The following LRBA variants were observed in gnomAD, a reference collection of about 807,000 sequenced individuals.
LRBA encodes LPS responsive beige-like anchor protein, also known as lipopolysaccharide-responsive and beige-like anchor protein.
Under a neutral mutation model 330.0 loss-of-function variants are expected in LRBA, and 176 were observed. The ratio of observed to expected loss-of-function variants is 0.53; its 90% confidence interval spans 0.47 to 0.60. LRBA has a LOEUF of 0.60. LRBA is among the 20% of genes least tolerant of loss of function. The pLI is 0.00. For synonymous variants in LRBA, 1,230 were observed against 1,193.0 expected (o/e 1.03, Z -0.64); for missense variants, 3,259 against 3,444.8 (o/e 0.95, Z 1.35).
At chr4:150,483,061 A>G (rs1757471814) in intron 42 of LRBA, among the ~76,000 whole-genome samples, 2 of 152,026 alleles carry the variant, frequency 1.3e-5, no homozygotes, top group East Asian at 3.8e-4. Context: ...TACCTAATTC[A>G]AGGTCACAAA....
intron 56 of LRBA, among the ~76,000 whole-genome samples, chr4:150,269,647 T>C (rs1745810514): frequency 6.6e-6 from 1 of 152,150 alleles, no homozygotes; most frequent in Non-Finnish European, 1.5e-5. Flanking sequence ...TAGGACTTCA[T>C]AAAATGTAAA....
intron 38 of LRBA, among the ~76,000 whole-genome samples, chr4:150,594,853 A>G (rs186272468): frequency 1.3e-5 from 2 of 152,096 alleles, no homozygotes; most frequent in African/African-American, 4.8e-5. Flanking sequence ...TATCCACCAC[A>G]AAACAGGTAA....
At chr4:150,682,722 A>C (rs1044764777) in intron 37 of LRBA, among the ~76,000 whole-genome samples, 4 of 151,670 alleles carry the variant, frequency 2.6e-5, no homozygotes, top group African/African-American at 9.7e-5. Context: ...TTACACTCTT[A>C]TATAATATAC....
intron 2 of LRBA, among the ~76,000 whole-genome samples, chr4:151,003,386 G>C (rs1743621334): frequency 1.1e-5 from 1 of 95,092 alleles, no homozygotes; most frequent in African/African-American, 4.0e-5. Context: ...GAAAGCATGA[G>C]ATTCGGTTTC....
At chr4:150,499,036 A>G (rs920012012) in intron 40 of LRBA, among the ~76,000 whole-genome samples, 5 of 152,186 alleles carry the variant, frequency 3.3e-5, no homozygotes, top group African/African-American at 4.8e-5. Context: ...ACATTCATTT[A>G]TGATCTTAAA....
chr4:150,442,926 G>A (rs7666634), intron 44 of LRBA, among the ~76,000 whole-genome samples: 131,231 of 152,142 alleles, frequency 0.86, 57,648 homozygotes, highest in Non-Finnish European at 0.96. Flanking sequence ...AGACTCCAGG[G>A]AAAAACTATG....
intron 40 of LRBA, among the ~76,000 whole-genome samples, chr4:150,544,078 C>T (rs898947589): frequency 6.6e-6 from 1 of 152,024 alleles, no homozygotes; most frequent in African/African-American, 2.4e-5. Flanking sequence ...AGCTTTGCCT[C>T]CTACAATCTG....
intron 2 of LRBA, among the ~76,000 whole-genome samples, chr4:150,985,331 C>T (rs890450700): frequency 6.6e-6 from 1 of 151,116 alleles, no homozygotes; most frequent in Admixed American, 6.6e-5. Flanking sequence ...AAAATAAGAC[C>T]TATGAGAAAA....
Position 150,321,401 on chromosome 4 carries a change from C to A in LRBA, c.7453-33G>T. The A allele has an allele frequency of 6.6e-7, 1 of 1,515,470 alleles. No individual in the cohort carries two copies. Among genetic ancestry groups the A allele is most frequent in the South Asian group, 1.3e-5 (1 of 75,596 alleles). The allele number at this position is 1,515,470 out of a possible 1,614,324, so 93.9% of individuals were successfully genotyped here. On this transcript the variant is annotated intron_variant, in intron 49 of 56. Transcript: ENST00000651943. The surrounding 1 kb of genome is among the most constrained non-coding windows in gnomAD (Gnocchi z 4.5). The stretch of plus-strand genomic sequence containing the variant: ...AGGAGATACTGTTGAGTGGGCATGA[C>A]AAGACCCAAATAGACAAGAAGGAAA...
In LRBA at chr4:150,321,367, C is replaced by T; in HGVS notation, c.7454G>A (p.Ser2485Asn). Residue 2485 changes from serine to asparagine, a missense_variant and splice_region_variant, in exon 50 of 57, where the codon AGT (serine) becomes AAT (asparagine). Transcript: ENST00000651943. This position sits in a 1 kb window ranked among gnomAD's most constrained non-coding sequence, Gnocchi z 4.5. ...HPPRGSAMQV[S>N]PLMFTDKAQQ... is the part of the protein sequence containing the mutation. ...GGCTTTGTCTGTGAACATCAATGGACTCTGCAGGAGGAGATACTGTTGAGT... is the reference window on the plus strand; with the variant it reads ...GGCTTTGTCTGTGAACATCAATGGATTCTGCAGGAGGAGATACTGTTGAGT... The T allele has an allele frequency of 6.3e-7, 1 of 1,592,898 alleles. No homozygotes were observed. Among genetic ancestry groups the T allele is most frequent in the Non-Finnish European group, 8.5e-7 (1 of 1,173,278 alleles).
chr4:150,755,877 G>GAA (rs779015665), intron 35 of LRBA, among the ~76,000 whole-genome samples: 1 of 138,290 alleles, frequency 7.2e-6, no homozygotes. Flanking sequence ...ATCTCTACAA[G>GAA]AAAAAAAAAA....
At chr4:150,338,219 A>G (rs1315491129) in intron 48 of LRBA, among the ~76,000 whole-genome samples, 1 of 152,202 alleles carries the variant, frequency 6.6e-6, no homozygotes, top group Non-Finnish European at 1.5e-5. Flanking sequence ...ACTTGTATAC[A>G]GTAATTCTTT....
intron 47 of LRBA, among the ~76,000 whole-genome samples, chr4:150,410,923 T>C (rs1196915759): frequency 6.6e-6 from 1 of 152,166 alleles, no homozygotes; most frequent in African/African-American, 2.4e-5. Flanking sequence ...GGTCCAAACA[T>C]TGACATTATA....
chr4:150,576,930 T>A (rs148770165), intron 40 of LRBA, among the ~76,000 whole-genome samples: 10 of 151,642 alleles, frequency 6.6e-5, no homozygotes, highest in Middle Eastern at 3.4e-3. Context: ...TCAAAGAGAG[T>A]AAAAAAAAAT....
At chr4:150,668,895 T>C (rs1341495277) in intron 37 of LRBA, among the ~76,000 whole-genome samples, 1 of 151,634 alleles carries the variant, frequency 6.6e-6, no homozygotes, top group Non-Finnish European at 1.5e-5. Flanking sequence ...TAAGTGGCTG[T>C]GTATTAGAGG....
chr4:150,750,692 C>T (rs1465327263), intron 35 of LRBA, among the ~76,000 whole-genome samples: 1 of 151,982 alleles, frequency 6.6e-6, no homozygotes, highest in Non-Finnish European at 1.5e-5. Context: ...CTTAGTCTCC[C>T]AAAGTGCTGG....
At chr4:150,931,472 G>A (rs1734495018) in intron 2 of LRBA, among the ~76,000 whole-genome samples, 1 of 151,292 alleles carries the variant, frequency 6.6e-6, no homozygotes, top group Non-Finnish European at 1.5e-5. Flanking sequence ...TTCATCAAAA[G>A]GTTAGTGGCT....
At chr4:150,821,700 C>A (rs529823745) in intron 30 of LRBA, among the ~76,000 whole-genome samples, 93 of 152,264 alleles carry the variant, frequency 6.1e-4, no homozygotes, top group African/African-American at 1.9e-3. Context: ...TTCAGCCTAC[C>A]ACTTCAGTCC....
chr4:150,936,726 T>C (rs1015095832), intron 2 of LRBA, among the ~76,000 whole-genome samples: 9 of 152,018 alleles, frequency 5.9e-5, no homozygotes, highest in Non-Finnish European at 1.5e-5. Context: ...AGACAGAAAC[T>C]AAACCTTGTC....
Sources: allele counts gnomAD v4.1 joint callset (sites outside exome capture counted in the v4.1 genomes callset), GRCh38; gene constraint gnomAD v4.1.1; non-coding constraint Gnocchi (gnomAD v3.1); transcripts MANE v1.5; gene names NCBI Gene and HGNC (gene_info 2026-07-23, HGNC 2026-07-21).